The following UTRN variants were observed in gnomAD, a reference collection of about 807,000 sequenced individuals.
UTRN encodes dystrophin-related protein 1.
UTRN carries 283 observed loss-of-function variants against 463.9 expected under a neutral mutation model. That is an observed-to-expected ratio of 0.61 (90% CI 0.55 to 0.67). The LOEUF is 0.67. Among genes scored for constraint, UTRN ranks in the 30% least tolerant of loss-of-function variants. The pLI, the probability that UTRN is intolerant of heterozygous loss-of-function variation, is 0.00. For synonymous variants in UTRN, 1,442 were observed against 1,431.5 expected (o/e 1.01, Z -0.17); for missense variants, 3,922 against 4,084.3 (o/e 0.96, Z 1.08).
intron 62 of UTRN, among the ~76,000 whole-genome samples, chr6:144,790,039 A>G (rs1314863897): frequency 6.6e-6 from 1 of 152,184 alleles, no homozygotes; most frequent in Non-Finnish European, 1.5e-5. Flanking sequence ...TTCCAATTTT[A>G]CAGTTCAAGA....
Position 144,799,290 on chromosome 6 carries a change from A to G in UTRN, c.9245+1300A>G, listed in dbSNP as rs146945499. 5.8e-4 allele frequency: 203 copies of G among 349,422 alleles called. 1 individual carries two copies. In the East Asian group the frequency reaches 0.014, roughly 24 times the overall value. The allele number at this position is 349,422 out of a possible 1,614,324, so 21.6% of individuals were successfully genotyped here. A position where few individuals can be genotyped will look rare whatever the true frequency, so the allele number is the denominator to read the frequency against. On this transcript the variant is annotated intron_variant, in intron 64 of 74. Coordinates refer to ENST00000367545, the MANE Select transcript of UTRN (RefSeq NM_007124.3). ...ATTCAAAAGTTCTCTTCTCTCATGC[A>G]TTATGGTGTAGTTGGGAAGACTAAA...
At chr6:144,488,580 C>T (rs906384064) in intron 29 of UTRN, 93 bp from the exon 30 acceptor site, 2 of 1,250,292 alleles carry the variant, frequency 1.6e-6, no homozygotes, top group African/African-American at 3.0e-5. Context: ...TGGATGAAAG[C>T]TTTTATGGTC....
intron 51 of UTRN, among the ~76,000 whole-genome samples, chr6:144,594,906 A>G (rs1406315666): frequency 6.6e-6 from 1 of 152,192 alleles, no homozygotes; most frequent in Non-Finnish European, 1.5e-5. Context: ...ATTCTAATTC[A>G]TTGTGATAAA....
chr6:144,344,357 G>T lies in UTRN; in HGVS notation c.79+52450G>T, dbSNP rs546654768. On this transcript the variant is annotated intron_variant, in intron 2 of 74. Transcript: ENST00000367545. ...AGCCAGTGAGGTTTTCTTAAGAAACGTCTATGAAGACAGGGTTCTTTCATT... is the reference window on the plus strand; with the variant it reads ...AGCCAGTGAGGTTTTCTTAAGAAACTTCTATGAAGACAGGGTTCTTTCATT... The T allele has an allele frequency of 7.7e-6, 10 of 1,302,970 alleles. No individual in the cohort carries two copies. In the East Asian group the frequency reaches 3.9e-4, roughly 51 times the overall value. 80.7% of individuals were successfully genotyped at this position (1,302,970 alleles called of 1,614,324 possible). A position where few individuals can be genotyped will look rare whatever the true frequency, so the allele number is the denominator to read the frequency against.
chr6:144,473,452 A>C (rs992828713), intron 23 of UTRN, among the ~76,000 whole-genome samples: 1 of 152,220 alleles, frequency 6.6e-6, no homozygotes, highest in Non-Finnish European at 1.5e-5. Flanking sequence ...ATTTTAAATC[A>C]TAACTATTGC....
In UTRN at chr6:144,337,211, CACACACACAT is replaced by C. The variant is rs144500396; in HGVS notation, c.79+45305_79+45314del. Among the ~76,000 whole-genome samples the C allele has an allele frequency of 7.8e-3, 1,174 of 151,284 alleles. 47 individuals carry two copies. The East Asian group carries it at 0.14, about 18-fold the overall frequency. ...CACACACACCACACACACACACACA[CACACACACAT>C]GTGAGAGGAGGGCCACCCTGGGAGG... On this transcript the variant is annotated intron_variant, in intron 2 of 74. Coordinates refer to ENST00000367545, the MANE Select transcript of UTRN (RefSeq NM_007124.3).
intron 2 of UTRN, among the ~76,000 whole-genome samples, chr6:144,323,135 G>A (rs1264565471): frequency 6.6e-6 from 1 of 152,078 alleles, no homozygotes; most frequent in Non-Finnish European, 1.5e-5. Context: ...GCACTATTTT[G>A]GCTTCCTAGC....
chr6:144,320,620 A>C (rs912777649), intron 2 of UTRN, among the ~76,000 whole-genome samples: 1 of 152,232 alleles, frequency 6.6e-6, no homozygotes, highest in Non-Finnish European at 1.5e-5. Context: ...AAGCAAGGGA[A>C]CAACAGAGCA....
intron 2 of UTRN, among the ~76,000 whole-genome samples, chr6:144,376,018 C>T (rs1425784993): frequency 2.6e-5 from 4 of 151,984 alleles, no homozygotes; most frequent in African/African-American, 4.8e-5. Context: ...GACAGGGTTT[C>T]ACTCTGTCAC....
At chr6:144,819,506 C>G (rs1051984652) in intron 65 of UTRN, among the ~76,000 whole-genome samples, 10 of 151,838 alleles carry the variant, frequency 6.6e-5, no homozygotes, top group Non-Finnish European at 1.2e-4. Flanking sequence ...ACCAGCCTGG[C>G]CAACATGGTG....
At chr6:144,763,412 C>G (rs1164056923) in intron 58 of UTRN, among the ~76,000 whole-genome samples, 1 of 152,164 alleles carries the variant, frequency 6.6e-6, no homozygotes, top group Admixed American at 6.5e-5. Flanking sequence ...CCAAGGCCAC[C>G]CTCTACCTGC....
Position 144,473,755 on chromosome 6 carries a change from C to G in UTRN, c.3102C>G (p.Gly1034=). 1 of 1,613,990 alleles carries G rather than the reference C, an allele frequency of 6.2e-7. No homozygotes were observed. Among genetic ancestry groups the G allele is most frequent in the Non-Finnish European group, 8.5e-7 (1 of 1,179,960 alleles). The change falls in exon 24 of 75, where the codon GGC becomes GGG. Residue 1034 remains glycine (G), a synonymous_variant. Coordinates refer to ENST00000367545, the MANE Select transcript of UTRN (RefSeq NM_007124.3). The stretch of plus-strand genomic sequence containing the variant: ...CAGTCATTGAGAAGTGGATGGATGG[C>G]GTGAAAGACTTCTTAATGAAACAGC... ...DSTVIEKWMD[G]VKDFLMKQQA...
intron 47 of UTRN, among the ~76,000 whole-genome samples, chr6:144,550,182 A>C (rs1333292714): frequency 6.6e-6 from 1 of 152,162 alleles, no homozygotes; most frequent in Non-Finnish European, 1.5e-5. Context: ...TTTAGAAGGA[A>C]GTGATCAGTA....
Position 144,748,464 on chromosome 6 carries a change from G to C in UTRN, c.8158G>C (p.Val2720Leu). 1 of 1,614,002 alleles carries C rather than the reference G, an allele frequency of 6.2e-7. No homozygotes were observed. The stretch of plus-strand genomic sequence containing the variant: ...GTCCGTGCGGAATGGCTGGAAGCCC[G>C]TGGGAGACTTACTCATTGACTCGCT... ...AESVRNGWKPVGDLLIDSLQD... is the reference protein window; with the variant it reads ...AESVRNGWKPLGDLLIDSLQD... Residue 2720 changes from valine to leucine, a missense_variant, in exon 55 of 75, where the codon GTG becomes CTG. Around this residue, in one of 3 missense-constraint regions of UTRN, gnomAD observed 1,309 missense variants for 1,452.6 expected, o/e 0.90. Coordinates refer to ENST00000367545, the MANE Select transcript of UTRN (RefSeq NM_007124.3).
rs1029787946 is a variant in UTRN, at chr6:144,400,130, C to A, written c.80-2993C>A. Among the ~76,000 whole-genome samples the A allele has an allele frequency of 4.6e-5, 7 of 152,112 alleles. No individual in the cohort carries two copies. In the East Asian group the frequency reaches 1.2e-3, roughly 25 times the overall value. On this transcript the variant is annotated intron_variant, in intron 2 of 74. Transcript: ENST00000367545. ...AGGCTTTTAGAAACAAAATGGTTTT[C>A]AAAAATCCAAGCCTAAGGAAAACAG...
chr6:144,459,496 A>T, intron 21 of UTRN, 142 bp downstream of exon 21: 1 of 872,260 alleles, frequency 1.1e-6, no homozygotes, highest in East Asian at 2.8e-5. Flanking sequence ...TCAAAGTCTT[A>T]AAGTCTTCTG....
intron 34 of UTRN, among the ~76,000 whole-genome samples, chr6:144,503,208 T>G (rs943599493): frequency 1.3e-5 from 2 of 152,232 alleles, no homozygotes; most frequent in Admixed American, 1.3e-4. Context: ...GGTTGCCTGT[T>G]CACTATGCTG....
rs576822601 is a variant in UTRN, at chr6:144,605,151, C to T, written c.7479+27863C>T. On this transcript the variant is annotated intron_variant, in intron 51 of 74. Coordinates refer to ENST00000367545, the MANE Select transcript of UTRN (RefSeq NM_007124.3). Reference sequence around the variant, plus strand: ...ATGTCTTGGTCATTACCCCTTGGATCTTAGGCTAATGGTATCACCTTTGTA... The same window carrying T: ...ATGTCTTGGTCATTACCCCTTGGATTTTAGGCTAATGGTATCACCTTTGTA... 2.0e-4 allele frequency among the ~76,000 whole-genome samples: 31 copies of T among 152,242 alleles called. 1 individual carries two copies. Among genetic ancestry groups the T allele is most frequent in the South Asian group, 1.2e-3 (6 of 4,822 alleles).
intron 2 of UTRN, among the ~76,000 whole-genome samples, chr6:144,328,640 C>A (rs1345820530): frequency 6.6e-6 from 1 of 152,022 alleles, no homozygotes; most frequent in Non-Finnish European, 1.5e-5. Flanking sequence ...AAAATACATT[C>A]ATTCAGAACA....
Sources: allele counts gnomAD v4.1 joint callset (sites outside exome capture counted in the v4.1 genomes callset), GRCh38; gene constraint gnomAD v4.1.1; regional missense constraint gnomAD v4.1.1; transcripts MANE v1.5; gene names NCBI Gene and HGNC (gene_info 2026-07-23, HGNC 2026-07-21).